The following PTPRD variants were observed in gnomAD, a reference collection of about 807,000 sequenced individuals.
The protein encoded by PTPRD is receptor-type tyrosine-protein phosphatase delta.
In PTPRD, 34 loss-of-function variants were observed where a neutral mutation model predicts 214.5. That is an observed-to-expected ratio of 0.16 (90% CI 0.12 to 0.21). The LOEUF (loss-of-function observed/expected upper bound fraction) is 0.21, where lower values mean the gene tolerates loss of function less well. Among genes scored for constraint, PTPRD ranks in the 10% least tolerant of loss-of-function variants. The pLI is 1.00. For missense variants in PTPRD, 2,545 were observed against 2,398.7 expected, an observed-to-expected ratio of 1.06 and a Z score of -1.27; for synonymous variants, 1,128 against 845.7, an observed-to-expected ratio of 1.33 and a Z score of -5.79.
At chr9:9,113,327 T>G (rs1591823720) in intron 10 of PTPRD, among the ~76,000 whole-genome samples, 1 of 152,026 alleles carries the variant, frequency 6.6e-6, no homozygotes, top group Admixed American at 6.6e-5. Flanking sequence ...TTCCATCTGA[T>G]GCTTATATTA....
At chr9:9,370,936 C>T (rs1371142972) in intron 9 of PTPRD, among the ~76,000 whole-genome samples, 1 of 152,012 alleles carries the variant, frequency 6.6e-6, no homozygotes, top group Non-Finnish European at 1.5e-5. Context: ...ATATGTTGAA[C>T]CAGCCTTGCA....
Position 10,585,012 on chromosome 9 carries a change from A to G in PTPRD, c.-600+27386T>C, listed in dbSNP as rs141201764. On this transcript the variant is annotated intron_variant, in intron 2 of 45. Transcript: ENST00000381196. ...GACGATAAATAACTGATGATGACAT[A>G]AAGTGCCAAACTAATCTCACCTCCA... Among the ~76,000 whole-genome samples the G allele has an allele frequency of 2.0e-5, 3 of 152,278 alleles. No individual in the cohort carries two copies. In the South Asian group the frequency reaches 6.2e-4, roughly 32 times the overall value.
chr9:9,926,422 GA>G (rs965147008), intron 5 of PTPRD, among the ~76,000 whole-genome samples: 8 of 151,696 alleles, frequency 5.3e-5, no homozygotes, highest in African/African-American at 1.9e-4. Flanking sequence ...AATATGGAAA[GA>G]AAAAAGGAAG....
intron 3 of PTPRD, among the ~76,000 whole-genome samples, chr9:10,171,068 G>C (rs2099201376): frequency 6.6e-6 from 1 of 152,158 alleles, no homozygotes; most frequent in South Asian, 2.1e-4. Flanking sequence ...AAATACATGA[G>C]ACAAATGCCC....
rs2099774928 is a variant in PTPRD at position 9,091,079 on chromosome 9, C to T, written c.-142-72344G>A. The stretch of plus-strand genomic sequence containing the variant: ...ATTTCTGAAGCGAGCGTCTTCGATG[C>T]CTATGTGCTTCCCAAGCTGTATGTG... On this transcript the variant is annotated intron_variant, in intron 10 of 45. Coordinates refer to ENST00000381196, the MANE Select transcript of PTPRD (RefSeq NM_002839.4). 4.1e-6 allele frequency: 6 copies of T among 1,463,590 alleles called. No individual in the cohort carries two copies. The East Asian group carries it at 1.4e-4, about 33-fold the overall frequency. The allele number at this position is 1,463,590 out of a possible 1,614,324, so 90.7% of individuals were successfully genotyped here. A position where few individuals can be genotyped will look rare whatever the true frequency, so the allele number is the denominator to read the frequency against.
intron 7 of PTPRD, among the ~76,000 whole-genome samples, chr9:9,715,777 T>C (rs2097811146): frequency 1.3e-5 from 2 of 152,214 alleles, no homozygotes; most frequent in African/African-American, 2.4e-5. Context: ...TATTGTGTAT[T>C]GCGATTTTCA....
chr9:9,143,998 G>A (rs1055056134), intron 10 of PTPRD, among the ~76,000 whole-genome samples: 20 of 152,188 alleles, frequency 1.3e-4, no homozygotes, highest in African/African-American at 4.8e-4. Context: ...TGTGAATGGA[G>A]GCACACTTCT....
chr9:9,403,059 G>A (rs112761832), intron 8 of PTPRD, among the ~76,000 whole-genome samples: 7 of 150,146 alleles, frequency 4.7e-5, no homozygotes, highest in Admixed American at 4.0e-4. Context: ...GCAGCCAAAG[G>A]CGAGTGGATC....
chr9:9,138,806 CTATT>C (rs1384731863), intron 10 of PTPRD, among the ~76,000 whole-genome samples: 1 of 151,872 alleles, frequency 6.6e-6, no homozygotes, highest in Non-Finnish European at 1.5e-5. Context: ...TTTTTGATAT[CTATT>C]TATTTAAAAA....
chr9:9,969,139 A>G (rs1441716000), intron 4 of PTPRD, among the ~76,000 whole-genome samples: 1 of 152,020 alleles, frequency 6.6e-6, no homozygotes, highest in Non-Finnish European at 1.5e-5. Context: ...TAACAAAGCT[A>G]TGACCTGAGG....
chr9:8,334,443 G>A (rs1432044707), intron 43 of PTPRD, among the ~76,000 whole-genome samples: 1 of 146,858 alleles, frequency 6.8e-6, no homozygotes, highest in Admixed American at 6.8e-5. Context: ...ATGACTACTG[G>A]GTAAATAACA....
intron 12 of PTPRD, among the ~76,000 whole-genome samples, chr9:8,638,989 C>T (rs1159569060): frequency 1.3e-5 from 2 of 152,050 alleles, no homozygotes; most frequent in African/African-American, 2.4e-5. Context: ...ACTACAGGTG[C>T]GTACCACCAC....
intron 8 of PTPRD, among the ~76,000 whole-genome samples, chr9:9,502,904 A>G (rs944040546): frequency 6.6e-6 from 1 of 151,882 alleles, no homozygotes; most frequent in African/African-American, 2.4e-5. Flanking sequence ...AAATTAGAAC[A>G]AGCTTGCCTT....
chr9:8,349,630 T>C (rs192166492), intron 39 of PTPRD, among the ~76,000 whole-genome samples: 300 of 152,294 alleles, frequency 2.0e-3, no homozygotes, highest in African/African-American at 7.1e-3. Flanking sequence ...GTCAGAGTAG[T>C]TGCCAAGCAC....
At chr9:9,214,574 C>G (rs751676317) in intron 9 of PTPRD, among the ~76,000 whole-genome samples, 44 of 151,594 alleles carry the variant, frequency 2.9e-4, no homozygotes, top group Non-Finnish European at 1.2e-4. Context: ...GAGGAGAAAG[C>G]AAATAAGGCC....
intron 4 of PTPRD, among the ~76,000 whole-genome samples, chr9:9,994,307 G>A (rs1023222139): frequency 6.6e-6 from 1 of 151,930 alleles, no homozygotes; most frequent in African/African-American, 2.4e-5. Flanking sequence ...TTATCTTATG[G>A]ATATTAAATT....
At chr9:8,473,201 A>C (rs774435280) in intron 30 of PTPRD, among the ~76,000 whole-genome samples, 6 of 152,168 alleles carry the variant, frequency 3.9e-5, no homozygotes, top group Admixed American at 1.3e-4. Flanking sequence ...TGGTGCCCTG[A>C]GCAACTAATC....
At chr9:8,786,939 C>G (rs2096005837) in intron 11 of PTPRD, among the ~76,000 whole-genome samples, 1 of 151,990 alleles carries the variant, frequency 6.6e-6, no homozygotes, top group Admixed American at 6.6e-5. Context: ...GGGTCTCACT[C>G]TGCTGCCCAG....
chr9:10,250,960 T>G (rs1433268558), intron 3 of PTPRD, among the ~76,000 whole-genome samples: 1 of 152,038 alleles, frequency 6.6e-6, no homozygotes. Context: ...ATACCAAAAT[T>G]CAGTGCTACA....
Sources: allele counts gnomAD v4.1 joint callset (sites outside exome capture counted in the v4.1 genomes callset), GRCh38; gene constraint gnomAD v4.1.1; transcripts MANE v1.5; gene names NCBI Gene and HGNC (gene_info 2026-07-23, HGNC 2026-07-21).